The following TYW3 variants were observed in gnomAD, a reference collection of about 807,000 sequenced individuals.
TYW3 encodes tRNA-yW synthesizing protein 3 homolog, also known as tRNA wybutosine-synthesizing protein 3 homolog.
TYW3 carries 26 observed loss-of-function variants against 23.1 expected under a neutral mutation model. The observed-to-expected ratio is 1.13, with a 90% CI of 0.83 to 1.56. The LOEUF (loss-of-function observed/expected upper bound fraction) is 1.56, where lower values mean the gene tolerates loss of function less well. Among genes scored for constraint, TYW3 ranks in the 40% most tolerant of loss-of-function variants. The probability of loss-of-function intolerance (pLI) is 0.00; values close to 1 mark genes in which losing one functional copy is unlikely to be tolerated. For missense variants in TYW3, 316 were observed against 311.9 expected (o/e 1.01, Z -0.10); for synonymous variants, 102 against 105.7 (o/e 0.97, Z 0.21).
At chr1:74,733,499 G>C in intron 1 of TYW3, 81 bp downstream of exon 1, 1 of 1,546,450 alleles carries the variant, frequency 6.5e-7, no homozygotes, top group Non-Finnish European at 8.7e-7. Flanking sequence ...GTGACGACCG[G>C]ATCCAGCATG....
intron 3 of TYW3, among the ~76,000 whole-genome samples, chr1:74,744,203 A>G (rs544129371): frequency 2.6e-5 from 4 of 152,098 alleles, no homozygotes; most frequent in Non-Finnish European, 5.9e-5. Context: ...GTAAATTGCA[A>G]GTTTGCATAG....
At chr1:74,740,805 A>G (rs1481098214) in intron 3 of TYW3, among the ~76,000 whole-genome samples, 1 of 148,674 alleles carries the variant, frequency 6.7e-6, no homozygotes, top group African/African-American at 2.5e-5. Context: ...ACAGAGCGCT[A>G]ATTGGTGCGT....
intron 2 of TYW3, among the ~76,000 whole-genome samples, chr1:74,738,214 C>T (rs1232538696): frequency 6.6e-6 from 1 of 152,164 alleles, no homozygotes; most frequent in Non-Finnish European, 1.5e-5. Flanking sequence ...TTTGCATGCA[C>T]TGCTATTTGT....
chr1:74,735,411 A>G (rs1284737440), intron 1 of TYW3, among the ~76,000 whole-genome samples: 1 of 152,112 alleles, frequency 6.6e-6, no homozygotes, highest in Non-Finnish European at 1.5e-5. Context: ...ACCTGAACCC[A>G]CAAACACATA....
chr1:74,750,757 GC>G (rs201050722), intron 4 of TYW3, among the ~76,000 whole-genome samples: 2 of 149,166 alleles, frequency 1.3e-5, no homozygotes, highest in East Asian at 3.9e-4. Flanking sequence ...GATAAGTGGT[GC>G]CTCTGGCTGG....
chr1:74,745,285 G>A (rs903911130), intron 3 of TYW3, among the ~76,000 whole-genome samples: 5 of 152,232 alleles, frequency 3.3e-5, no homozygotes, highest in African/African-American at 1.2e-4. Flanking sequence ...GGGGACCTGA[G>A]CAGGTTGCCA....
In TYW3 at chr1:74,748,747, A is replaced by AC; in HGVS notation, c.355-3dup. The AC allele has an allele frequency of 6.2e-7, 1 of 1,613,766 alleles. No individual in the cohort carries two copies. Among genetic ancestry groups the AC allele is most frequent in the Non-Finnish European group, 8.5e-7 (1 of 1,179,732 alleles). On this transcript the variant is annotated splice_region_variant and splice_polypyrimidine_tract_variant and intron_variant, in intron 3 of 5. Coordinates refer to ENST00000370867, the MANE Select transcript of TYW3 (RefSeq NM_138467.3). ...AAAATGTAACAAGTTTTATTTTCTT[A>AC]CAGCATTCCATGGCAATAGATTCTG...
intron 3 of TYW3, among the ~76,000 whole-genome samples, chr1:74,739,107 A>G (rs182247591): frequency 6.6e-6 from 1 of 152,298 alleles, no homozygotes; most frequent in Admixed American, 6.5e-5. Context: ...ACTACATGTA[A>G]AATTAAGAGT....
At position 74,765,919 on chromosome 1, in the gene TYW3, C is replaced by G. The variant is rs900003194; in HGVS notation, c.*1806C>G. On this transcript the variant is annotated 3_prime_UTR_variant, in exon 6 of 6. Coordinates refer to ENST00000370867, the MANE Select transcript of TYW3 (RefSeq NM_138467.3). ...ATATAAGGTTAGTAGAGAGGAGACA[C>G]CAGGTGCTGGCCATAAACCTAAGAA... 1.3e-5 allele frequency: 2 copies of G among 152,098 alleles called. No homozygotes were observed. Among genetic ancestry groups the G allele is most frequent in the African/African-American group, 4.8e-5 (2 of 41,426 alleles). 9.4% of individuals were successfully genotyped at this position (152,098 alleles called of 1,614,324 possible).
chr1:74,740,001 C>T (rs1168441491), intron 3 of TYW3, among the ~76,000 whole-genome samples: 1 of 152,180 alleles, frequency 6.6e-6, no homozygotes, highest in African/African-American at 2.4e-5. Flanking sequence ...TGGTAGTCGC[C>T]TTTATCCAGA....
chr1:74,745,723 G>A (rs140044842), intron 3 of TYW3, among the ~76,000 whole-genome samples: 37 of 152,294 alleles, frequency 2.4e-4, no homozygotes, highest in East Asian at 1.9e-3. Context: ...GTCTGCTAGC[G>A]TTGACATAAC....
intron 3 of TYW3, among the ~76,000 whole-genome samples, chr1:74,739,793 G>A (rs916418590): frequency 3.3e-5 from 5 of 152,336 alleles, no homozygotes; most frequent in Admixed American, 6.5e-5. Flanking sequence ...GAAAAGATAC[G>A]AGTTAGGAGT....
At chr1:74,763,172 T>C (rs567383103) in intron 5 of TYW3, among the ~76,000 whole-genome samples, 1 of 152,106 alleles carries the variant, frequency 6.6e-6, no homozygotes, top group South Asian at 2.1e-4. Context: ...TGAATATCTA[T>C]TGTGAAAACA....
chr1:74,761,395 A>C (rs1248001939), intron 5 of TYW3, among the ~76,000 whole-genome samples: 3 of 151,342 alleles, frequency 2.0e-5, no homozygotes. Flanking sequence ...TTTTAATGTG[A>C]TGGATGAGGC....
At chr1:74,744,558 G>A (rs746851349) in intron 3 of TYW3, among the ~76,000 whole-genome samples, 12 of 152,108 alleles carry the variant, frequency 7.9e-5, no homozygotes, top group Non-Finnish European at 1.3e-4. Context: ...AAGCGAAAGC[G>A]GTCCAATGGT....
rs139407549 is a variant in TYW3, at chr1:74,744,402, C to T, written c.355-4349C>T. ...GTGATGCAGAAAAAAAAAAATGAGC[C>T]GCCTCTTTTTCACGGTTTGCGGGTC... On this transcript the variant is annotated intron_variant, in intron 3 of 5. Transcript: ENST00000370867. 7.7e-3 allele frequency among the ~76,000 whole-genome samples: 1,169 copies of T among 152,044 alleles called. 14 individuals are homozygous for T. Among genetic ancestry groups the T allele is most frequent in the African/African-American group, 0.027 (1,099 of 41,458 alleles).
At position 74,733,277 on chromosome 1, in the gene TYW3, G is replaced by A. The variant is rs754371072; in HGVS notation, c.33G>A (p.Lys11=). Residue 11 remains lysine, a synonymous_variant, in exon 1 of 6, where the codon AAG becomes AAA. Coordinates refer to ENST00000370867, the MANE Select transcript of TYW3 (RefSeq NM_138467.3). ...GCAGCGCGGAGTTCAGGAAATGGAA[G>A]GCGCAATGTTTGAGCAAAGCGGACC... The part of the protein sequence containing the change: MDRSAEFRKW[K]AQCLSKADLS... 2.5e-6 allele frequency: 4 copies of A among 1,614,172 alleles called. No homozygotes were observed. Among genetic ancestry groups the A allele is most frequent in the East Asian group, 2.2e-5 (1 of 44,886 alleles).
chr1:74,748,974 G>A, intron 4 of TYW3, 152 bp downstream of exon 4: 2 of 695,148 alleles, frequency 2.9e-6, no homozygotes. Flanking sequence ...CCTTCCTACA[G>A]GGCAAAGTCC....
chr1:74,763,989 A>G lies in TYW3; in HGVS notation c.656A>G (p.Lys219Arg). The G allele has an allele frequency of 6.2e-7, 1 of 1,610,914 alleles. No individual in the cohort carries two copies. The highest frequency in any genetic ancestry group is 8.5e-7 in the Non-Finnish European group (1 of 1,179,038). Residue 219 changes from lysine (K) to arginine (R), a missense_variant, in exon 6 of 6, where the codon AAG becomes AGG. Transcript: ENST00000370867. ...KEKNNSSYIH[K>R]KKRNPEKTRA... The stretch of plus-strand genomic sequence containing the variant: ...AAAAATAACTCATCATATATTCATA[A>G]GAAAAAAAGAAACCCAGAAAAAACA...
Sources: allele counts gnomAD v4.1 joint callset (sites outside exome capture counted in the v4.1 genomes callset), GRCh38; gene constraint gnomAD v4.1.1; transcripts MANE v1.5; gene names NCBI Gene and HGNC (gene_info 2026-07-23, HGNC 2026-07-21).